The following PWWP3B variants were observed in gnomAD, a reference collection of about 807,000 sequenced individuals.
PWWP3B encodes the protein PWWP domain-containing DNA repair factor 3B.
In PWWP3B, 5 loss-of-function variants were observed where a neutral mutation model predicts 15.7. The observed-to-expected ratio is 0.32, with a 90% confidence interval of 0.17 to 0.67. The LOEUF is 0.67. Among genes scored for constraint, PWWP3B ranks in the 30% least tolerant of loss-of-function variants. The pLI is 0.74. For synonymous variants in PWWP3B, 203 were observed against 179.8 expected (o/e 1.13, Z -1.03); for missense variants, 519 against 493.1 (o/e 1.05, Z -0.50).
At chrX:106,185,248 G>T (rs969971486) in intron 2 of PWWP3B, among the ~76,000 whole-genome samples, 1 of 111,447 alleles carries the variant, frequency 9.0e-6, no homozygotes, top group African/African-American at 3.3e-5. Flanking sequence ...GGTCAAATTG[G>T]TCCCAATGGC....
chrX:106,190,833 T>G (rs1922889358), intron 2 of PWWP3B, among the ~76,000 whole-genome samples: 1 of 111,512 alleles, frequency 9.0e-6, no homozygotes, highest in South Asian at 3.8e-4. Flanking sequence ...TTTCTCAGGT[T>G]TGTCAAAGAT....
intron 2 of PWWP3B, among the ~76,000 whole-genome samples, chrX:106,175,236 CTTTTTT>C (rs1218589426): frequency 6.8e-5 from 5 of 73,151 alleles, no homozygotes; most frequent in Non-Finnish European, 1.3e-4. Flanking sequence ...GGGGTTATTT[CTTTTTT>C]TTTTTTTTTT....
At position 106,207,528 on chromosome X, in the gene PWWP3B, G is replaced by A; in HGVS notation, c.*5G>A. On this transcript the variant is annotated 3_prime_UTR_variant, in exon 4 of 4. Transcript: ENST00000357175. Reference sequence around the variant, plus strand: ...CCAACAAATGAAGCTCACTAAATGTGCTGAAAGTTGAAACCATGACAGGGA... The same window carrying A: ...CCAACAAATGAAGCTCACTAAATGTACTGAAAGTTGAAACCATGACAGGGA... 8.9e-7 allele frequency: 1 copy of A among 1,127,248 alleles called. No homozygotes were observed. Among genetic ancestry groups the A allele is most frequent in the Non-Finnish European group, 1.2e-6 (1 of 857,021 alleles). The allele number at this position is 1,127,248 out of a possible 1,213,427, so 92.9% of individuals were successfully genotyped here.
chrX:106,170,247 T>C (rs762143697), intron 1 of PWWP3B, among the ~76,000 whole-genome samples: 1 of 112,131 alleles, frequency 8.9e-6, no homozygotes, highest in Non-Finnish European at 1.9e-5. Context: ...TTCAAAAAGC[T>C]TCCACATTGG....
At chrX:106,194,670 T>A (rs941913704) in intron 2 of PWWP3B, among the ~76,000 whole-genome samples, 8 of 111,414 alleles carry the variant, frequency 7.2e-5, no homozygotes, top group African/African-American at 2.6e-4. Context: ...ATCTTTGTGG[T>A]TTTATCTACC....
intron 2 of PWWP3B, among the ~76,000 whole-genome samples, chrX:106,196,967 A>G (rs1204007279): frequency 9.0e-6 from 1 of 111,331 alleles, no homozygotes; most frequent in Non-Finnish European, 1.9e-5. Flanking sequence ...CCACCAGCAG[A>G]GAGTCTCTCT....
chrX:106,186,132 G>T (rs1388668295), intron 2 of PWWP3B, among the ~76,000 whole-genome samples: 1 of 111,399 alleles, frequency 9.0e-6, no homozygotes. Flanking sequence ...TGTCTGACAG[G>T]CGTTAGGACC....
intron 2 of PWWP3B, among the ~76,000 whole-genome samples, chrX:106,173,958 A>T (rs1360234764): frequency 9.0e-6 from 1 of 111,475 alleles, no homozygotes; most frequent in Non-Finnish European, 1.9e-5. Context: ...TGTCTGAAAA[A>T]TTCAGAAACA....
intron 2 of PWWP3B, among the ~76,000 whole-genome samples, chrX:106,179,593 G>A (rs1019586065): frequency 6.3e-5 from 7 of 111,381 alleles, no homozygotes; most frequent in East Asian, 2.8e-4. Flanking sequence ...TGTGATGCCA[G>A]GTGAGCCTCT....
chrX:106,205,942 A>G lies in PWWP3B; in HGVS notation c.510A>G (p.Gln170=), dbSNP rs1412846647. The change falls in exon 4 of 4, where the codon CAA becomes CAG. Residue 170 remains glutamine, a synonymous_variant. Transcript: ENST00000357175. Reference sequence around the variant, plus strand: ...ATTCCCTGTATGATGATAAATCACAAGCACCCACAATGGTCGATACTATTC... The same window carrying G: ...ATTCCCTGTATGATGATAAATCACAGGCACCCACAATGGTCGATACTATTC... The part of the protein sequence containing the change: ...SDDSLYDDKS[Q]APTMVDTIPS... 4 of 1,209,467 alleles carry G rather than the reference A, an allele frequency of 3.3e-6. No homozygotes were observed. The highest frequency in any genetic ancestry group is 3.4e-6 in the Non-Finnish European group (3 of 894,883).
intron 1 of PWWP3B, among the ~76,000 whole-genome samples, chrX:106,168,996 C>G (rs771012767): frequency 2.7e-5 from 3 of 111,579 alleles, no homozygotes; most frequent in African/African-American, 6.5e-5. Context: ...TTGTACATTC[C>G]TATTTGTACT....
At chrX:106,170,220 G>A (rs1921541885) in intron 1 of PWWP3B, among the ~76,000 whole-genome samples, 1 of 111,442 alleles carries the variant, frequency 9.0e-6, no homozygotes, top group Admixed American at 9.6e-5. Flanking sequence ...TATTACTGGA[G>A]GAATAAAGGG....
In PWWP3B at chrX:106,205,483, A is replaced by C. The variant is rs1189771476; in HGVS notation, c.51A>C (p.Ala17=). The change falls in exon 4 of 4, where the codon GCA becomes GCC. Residue 17 remains alanine (A), a synonymous_variant. Transcript: ENST00000357175. Reference sequence around the variant, plus strand: ...ACTGGAAAGACCAGTTGTGGCCAGCAAAAGTTTTGTCCAGATCTGAAACTT... The same window carrying C: ...ACTGGAAAGACCAGTTGTGGCCAGCCAAAGTTTTGTCCAGATCTGAAACTT... The part of the protein sequence containing the change: ...LCNWKDQLWP[A]KVLSRSETSS... The C allele has an allele frequency of 2.5e-6, 3 of 1,193,261 alleles. No homozygotes were observed. Among genetic ancestry groups the C allele is most frequent in the Non-Finnish European group, 3.4e-6 (3 of 887,040 alleles).
chrX:106,183,068 G>C (rs746235197), intron 2 of PWWP3B, among the ~76,000 whole-genome samples: 1 of 110,766 alleles, frequency 9.0e-6, no homozygotes, highest in Non-Finnish European at 1.9e-5. Context: ...ACTCGGGTGT[G>C]GTGAATCCAA....
In PWWP3B at chrX:106,205,402, A is replaced by T. The variant is rs771568642; in HGVS notation, c.-31A>T. ...AAAGATAGCCACCTCAACCTTTGGT[A>T]ATAACCCTTGGCACACAAATATAAA... On this transcript the variant is annotated 5_prime_UTR_variant, in exon 4 of 4. Transcript: ENST00000357175. The T allele has an allele frequency of 1.7e-5, 19 of 1,098,960 alleles. No individual in the cohort carries two copies. In the African/African-American group the frequency reaches 3.6e-4, roughly 21 times the overall value. 90.6% of individuals were successfully genotyped at this position (1,098,960 alleles called of 1,213,427 possible). A position where few individuals can be genotyped will look rare whatever the true frequency, so the allele number is the denominator to read the frequency against.
At chrX:106,197,019 A>T (rs978180345) in intron 2 of PWWP3B, among the ~76,000 whole-genome samples, 8 of 111,497 alleles carry the variant, frequency 7.2e-5, no homozygotes, top group Non-Finnish European at 1.5e-4. Flanking sequence ...TGCTGTTATT[A>T]TCAGGTGCTA....
At position 106,207,166 on chromosome X, in the gene PWWP3B, A is replaced by G. The variant is rs1235425153; in HGVS notation, c.1734A>G (p.Lys578=). The G allele has an allele frequency of 8.3e-7, 1 of 1,206,807 alleles. No homozygotes were observed. The highest frequency in any genetic ancestry group is 1.7e-5 in the African/African-American group (1 of 57,882). Residue 578 remains lysine, a synonymous_variant, in exon 4 of 4, where the codon AAA becomes AAG. Transcript: ENST00000357175. ...TTCTGGCCATTGTAAATGGCACAAAAGGATCCAGATGGCTGAAATCATTTT... is the reference window on the plus strand; with the variant it reads ...TTCTGGCCATTGTAAATGGCACAAAGGGATCCAGATGGCTGAAATCATTTT... The part of the protein sequence containing the change: ...NHLLAIVNGT[K]GSRWLKSFLN...
chrX:106,194,493 C>G (rs1390541016), intron 2 of PWWP3B, among the ~76,000 whole-genome samples: 2 of 111,684 alleles, frequency 1.8e-5, no homozygotes, highest in African/African-American at 3.3e-5. Context: ...TGAATTTCCT[C>G]CTGTAGCTCG....
chrX:106,171,747 G>A (rs781487813), intron 2 of PWWP3B, among the ~76,000 whole-genome samples: 39 of 110,076 alleles, frequency 3.5e-4, no homozygotes, highest in Non-Finnish European at 6.4e-4. Flanking sequence ...CCACAAACCT[G>A]TATACCATGT....
Sources: gnomAD v4.1 joint callset for allele counts (sites outside exome capture counted in the v4.1 genomes callset) on GRCh38, gnomAD v4.1.1 for gene constraint, MANE v1.5 for transcripts, NCBI Gene and HGNC (gene_info 2026-07-23, HGNC 2026-07-21) for gene names.